The following DCHS1 variants were observed in gnomAD, a reference collection of about 807,000 sequenced individuals.
The protein encoded by DCHS1 is protocadherin-16.
Under a neutral mutation model 213.9 loss-of-function variants are expected in DCHS1, and 78 were observed. The observed-to-expected ratio is 0.36, with a 90% CI of 0.30 to 0.44. The LOEUF (loss-of-function observed/expected upper bound fraction) is 0.44. Ranked by LOEUF, DCHS1 falls within the 20% of genes least tolerant of loss-of-function variation. The pLI is 1.00. For synonymous variants in DCHS1, 1,828 were observed against 1,873.7 expected (o/e 0.98, Z 0.63); for missense variants, 3,946 against 4,395.9 (o/e 0.90, Z 2.89).
intron 1 of DCHS1, among the ~76,000 whole-genome samples, chr11:6,652,810 T>G (rs1856263235): frequency 6.6e-6 from 1 of 152,208 alleles, no homozygotes; most frequent in South Asian, 2.1e-4. Flanking sequence ...AATTCCTTCC[T>G]TTCCTTCACC....
In DCHS1 at chr11:6,655,794, G is replaced by A; in HGVS notation, c.-352C>T. On this transcript the variant is annotated 5_prime_UTR_variant, in exon 1 of 21. Transcript: ENST00000299441. ...GCCTCCTGCACAGCCGCCCCGCCGA[G>A]GATGCGAGCTCCGCTGCCGCGGCCC... 1 of 959,716 alleles carries A rather than the reference G, an allele frequency of 1.0e-6. No homozygotes were observed. The highest frequency in any genetic ancestry group is 1.2e-6 in the Non-Finnish European group (1 of 816,678). The allele number at this position is 959,716 out of a possible 1,614,324, so 59.5% of individuals were successfully genotyped here.
At chr11:6,650,416 G>C (rs149672279) in intron 1 of DCHS1, among the ~76,000 whole-genome samples, 1 of 152,184 alleles carries the variant, frequency 6.6e-6, no homozygotes, top group African/African-American at 2.4e-5. Context: ...CTGAAGGAAG[G>C]GGGGTCAGCA....
chr11:6,644,534 T>C (rs966546255), intron 1 of DCHS1, among the ~76,000 whole-genome samples: 1 of 152,218 alleles, frequency 6.6e-6, no homozygotes, highest in Non-Finnish European at 1.5e-5. Context: ...TCTCATTACT[T>C]TTGGTAAACA....
At chr11:6,643,032 C>T (rs2880995) in intron 1 of DCHS1, among the ~76,000 whole-genome samples, 16,692 of 152,006 alleles carry the variant, frequency 0.11, 1,129 homozygotes, top group East Asian at 0.26. Context: ...AAGGATGATG[C>T]GCACATTTCT....
At position 6,626,470 on chromosome 11, in the gene DCHS1, A is replaced by C. The variant is rs1855806244; in HGVS notation, c.6364+82T>G. On this transcript the variant is annotated intron_variant, in intron 15 of 20. Coordinates refer to ENST00000299441, the MANE Select transcript of DCHS1 (RefSeq NM_003737.4). This position sits in a 1 kb window ranked among gnomAD's most constrained non-coding sequence, Gnocchi z 5.2. ...ACCCCTTACTCAAGGACAGCCCTTC[A>C]CCCATCAAAGGCTCCTCTGATGCAA... The C allele has an allele frequency of 2.5e-6, 4 of 1,603,242 alleles. No individual in the cohort carries two copies. The highest frequency in any genetic ancestry group is 1.7e-5 in the Admixed American group (1 of 59,610).
chr11:6,641,854 C>T lies in DCHS1; in HGVS notation c.-120-121G>A, dbSNP rs1856081519. 8 of 854,068 alleles carry T rather than the reference C, an allele frequency of 9.4e-6. No individual in the cohort carries two copies. In the East Asian group the frequency reaches 2.2e-4, roughly 24 times the overall value. 52.9% of individuals were successfully genotyped at this position (854,068 alleles called of 1,614,324 possible). On this transcript the variant is annotated intron_variant, in intron 1 of 20. Coordinates refer to ENST00000299441, the MANE Select transcript of DCHS1 (RefSeq NM_003737.4). This position sits in a 1 kb window ranked among gnomAD's most constrained non-coding sequence, Gnocchi z 7.1. The stretch of plus-strand genomic sequence containing the variant: ...CCCCCAGCAGGCCCTTGTGCTGCCT[C>T]ACACTCATCTTGGGCCACACGGATC...
At chr11:6,651,394 G>A (rs1264328758) in intron 1 of DCHS1, among the ~76,000 whole-genome samples, 1 of 152,224 alleles carries the variant, frequency 6.6e-6, no homozygotes, top group African/African-American at 2.4e-5. Context: ...AACGTGAGGG[G>A]GCTGGGGAAA....
At chr11:6,624,489 G>A (rs1463324055) in intron 20 of DCHS1, 99 bp from the exon 21 acceptor site, 3 of 1,388,850 alleles carry the variant, frequency 2.2e-6, no homozygotes, top group Non-Finnish European at 2.9e-6. Flanking sequence ...TTGGAAGTCA[G>A]ACTCAGGGAA....
Position 6,632,735 on chromosome 11 carries a change from T to C in DCHS1, c.2777A>G (p.Asn926Ser), listed in dbSNP as rs770804588. Residue 926 changes from asparagine to serine, a missense_variant, in exon 6 of 21, where the codon AAC becomes AGC. By Grantham distance (46) the Asn-to-Ser change is conservative. Transcript: ENST00000299441. The surrounding 1 kb of genome is among the most constrained non-coding windows in gnomAD (Gnocchi z 5.9). Reference sequence around the variant, plus strand: ...AAGCAGGGTAAAGGTGACTCGACTGTTAACACCTGAGTCGGGGTCAAGAGC... The same window carrying C: ...AAGCAGGGTAAAGGTGACTCGACTGCTAACACCTGAGTCGGGGTCAAGAGC... ...LRALDPDSGV[N>S]SRVTFTLLAG... is the part of the protein sequence containing the mutation. The C allele has an allele frequency of 1.9e-6, 3 of 1,609,552 alleles. No individual in the cohort carries two copies. In the Admixed American group the frequency reaches 5.1e-5, roughly 27 times the overall value.
rs1440230418 is a variant in DCHS1 at position 6,631,070 on chromosome 11, G to T, written c.3913C>A (p.Leu1305Ile). The change falls in exon 9 of 21, where the codon CTC (leucine) becomes ATC (isoleucine). Residue 1305 changes from leucine to isoleucine, a missense_variant. This residue lies in a region of DCHS1 where 3,384 missense variants were observed against 3,780.1 expected (regional missense o/e 0.90). Transcript: ENST00000299441. ...DQGSPPRSAS[L>I]QLLVQVLPSA... is the part of the protein sequence containing the mutation. ...AGCCATACCTGCACCAGCAGCTGGA[G>T]GCTGGCACTTCGAGGAGGGCTGCCT... 6.2e-7 allele frequency: 1 copy of T among 1,610,418 alleles called. No homozygotes were observed. The highest frequency in any genetic ancestry group is 8.5e-7 in the Non-Finnish European group (1 of 1,177,722).
intron 1 of DCHS1, among the ~76,000 whole-genome samples, chr11:6,643,194 C>G (rs2659865): frequency 0.68 from 102,812 of 151,898 alleles, 35,038 homozygotes; most frequent in East Asian, 0.79. Context: ...GAGCCCCTTA[C>G]TCTAGTGACT....
In DCHS1 at chr11:6,622,767, G is replaced by T; in HGVS notation, c.8909C>A (p.Ala2970Glu). Residue 2970 changes from alanine (A) to glutamate (E), a missense_variant, in exon 21 of 21, where the codon GCA becomes GAA. By Grantham distance (107) the Ala-to-Glu change is moderately radical. This residue lies in a region of DCHS1 where 554 missense variants were observed against 590.2 expected (regional missense o/e 0.94). Transcript: ENST00000299441. This position sits in a 1 kb window ranked among gnomAD's most constrained non-coding sequence, Gnocchi z 5.4. ...LVRARSRKAE[A>E]APGPMSQAAP... ...TGCCTGTGACATTGGGCCAGGGGCT[G>T]CCTCAGCCTTGCGGCTACGGGCCCG... 1 of 1,592,436 alleles carries T rather than the reference G, an allele frequency of 6.3e-7. No homozygotes were observed. The highest frequency in any genetic ancestry group is 1.1e-5 in the South Asian group (1 of 87,608).
intron 2 of DCHS1, among the ~76,000 whole-genome samples, chr11:6,636,639 T>C (rs1340790843): frequency 1.3e-5 from 2 of 152,214 alleles, no homozygotes; most frequent in Admixed American, 1.3e-4. Context: ...CATGCCCATC[T>C]CTCCTGCTAT....
At chr11:6,634,435 A>G (rs1273635609) in intron 2 of DCHS1, 129 bp from the exon 3 acceptor site, 60 of 1,070,758 alleles carry the variant, frequency 5.6e-5, no homozygotes, top group Non-Finnish European at 7.4e-5. Flanking sequence ...CTAGTAGGAC[A>G]TGGGCCCAAA....
In DCHS1 at chr11:6,626,655, A is replaced by G. The variant is rs760395708; in HGVS notation, c.6261T>C (p.Ile2087=). ...CTGCATGGACGGCCCTGGGGGAGACAATAGGAGTCCCTGCAGAAAGAACGG... is the reference window on the plus strand; with the variant it reads ...CTGCATGGACGGCCCTGGGGGAGACGATAGGAGTCCCTGCAGAAAGAACGG... ...IRENAPPGTP[I]VSPRAVHAGG... The change falls in exon 15 of 21, where the codon ATT becomes ATC. Residue 2087 remains isoleucine, a synonymous_variant. Coordinates refer to ENST00000299441, the MANE Select transcript of DCHS1 (RefSeq NM_003737.4). This position sits in a 1 kb window ranked among gnomAD's most constrained non-coding sequence, Gnocchi z 5.2. 10 of 1,613,810 alleles carry G rather than the reference A, an allele frequency of 6.2e-6. No individual in the cohort carries two copies. Among genetic ancestry groups the G allele is most frequent in the Non-Finnish European group, 8.5e-7 (1 of 1,179,864 alleles).
chr11:6,622,633 C>T lies in DCHS1; in HGVS notation c.9043G>A (p.Ala3015Thr). 6.3e-7 allele frequency: 1 copy of T among 1,587,078 alleles called. No individual in the cohort carries two copies. Among genetic ancestry groups the T allele is most frequent in the Non-Finnish European group, 8.6e-7 (1 of 1,167,022 alleles). ...CCACCACGGGGGTAGGGTCCTCCAG[C>T]TCCTGGCCCACCATAGCTGGGAAGA... ...QTLPSYGGPG[A>T]GGPYPRGGSL... Residue 3015 changes from alanine to threonine, a missense_variant, in exon 21 of 21, where the codon GCT becomes ACT. Ala to Thr is a moderately conservative substitution (Grantham distance 58). Transcript: ENST00000299441. The surrounding 1 kb of genome is among the most constrained non-coding windows in gnomAD (Gnocchi z 5.4).
At chr11:6,631,022 C>T (rs1246698747) in intron 9 of DCHS1, 31 bp downstream of exon 9, 1 of 1,579,858 alleles carries the variant, frequency 6.3e-7, no homozygotes, top group Non-Finnish European at 8.6e-7. Context: ...GGACCTACAG[C>T]GGTAGCCAAG....
chr11:6,654,524 G>A (rs1200425640), intron 1 of DCHS1, among the ~76,000 whole-genome samples: 1 of 152,008 alleles, frequency 6.6e-6, no homozygotes, highest in Non-Finnish European at 1.5e-5. Context: ...GGAGTATGTT[G>A]GTTGCAGCAT....
At chr11:6,631,460 C>T (rs1323895810) in intron 7 of DCHS1, 53 bp from the exon 8 acceptor site, 1 of 1,610,284 alleles carries the variant, frequency 6.2e-7, no homozygotes, top group East Asian at 2.2e-5. Context: ...TCAGACAACT[C>T]AGGATAAAGC....
Sources: allele counts gnomAD v4.1 joint callset (sites outside exome capture counted in the v4.1 genomes callset), GRCh38; gene constraint gnomAD v4.1.1; regional missense constraint gnomAD v4.1.1; non-coding constraint Gnocchi (gnomAD v3.1); transcripts MANE v1.5; gene names NCBI Gene and HGNC (gene_info 2026-07-23, HGNC 2026-07-21).